NXPE2: variants seen among roughly 807,000 people sequenced by gnomAD.
The protein encoded by NXPE2 is NXPE family member 2.
Under a neutral mutation model 34.4 loss-of-function variants are expected in NXPE2, and 34 were observed. The ratio of observed to expected loss-of-function variants is 0.99; its 90% CI spans 0.75 to 1.31. The LOEUF (loss-of-function observed/expected upper bound fraction) is 1.31, where lower values mean the gene tolerates loss of function less well. NXPE2 is among the 40% of genes most tolerant of loss of function. The probability of loss-of-function intolerance (pLI) is 0.00; values close to 1 mark genes in which losing one functional copy is unlikely to be tolerated. For missense variants in NXPE2, 649 were observed against 672.5 expected (o/e 0.97, Z 0.39); for synonymous variants, 235 against 231.3 (o/e 1.02, Z -0.15).
chr11:114,786,402 C>T, the NXPE2 span, among the ~76,000 whole-genome samples: 1 of 139,524 alleles, frequency 7.2e-6, no homozygotes, highest in African/African-American at 2.6e-5. Flanking sequence ...GGATTATCCC[C>T]ACACTCCAGC....
At chr11:114,553,046 C>A in the NXPE2 span, among the ~76,000 whole-genome samples, 3 of 152,150 alleles carry the variant, frequency 2.0e-5, no homozygotes, top group Non-Finnish European at 2.9e-5. Flanking sequence ...ATTACCTCCT[C>A]CCTCACTGCA....
intron 2 of NXPE2, among the ~76,000 whole-genome samples, chr11:114,691,355 A>G (rs80318396): frequency 6.6e-6 from 1 of 151,520 alleles, no homozygotes; most frequent in East Asian, 1.9e-4. Flanking sequence ...TAAGCTCTTT[A>G]TGGGTTCATT....
the NXPE2 span, among the ~76,000 whole-genome samples, chr11:114,646,170 A>G: frequency 1.3e-5 from 2 of 152,014 alleles, no homozygotes; most frequent in South Asian, 4.1e-4. Flanking sequence ...TCATTTCTAT[A>G]TCTTAAACTA....
At chr11:114,802,650 C>A in the NXPE2 span, among the ~76,000 whole-genome samples, 7 of 152,064 alleles carry the variant, frequency 4.6e-5, no homozygotes, top group Admixed American at 4.6e-4. Flanking sequence ...TCTTTGTTCA[C>A]TGCATATCAA....
chr11:114,497,801 A>T, the NXPE2 span, among the ~76,000 whole-genome samples: 4 of 152,198 alleles, frequency 2.6e-5, no homozygotes, highest in African/African-American at 9.6e-5. Flanking sequence ...AAAATAATTT[A>T]TGTCAGTTAT....
the NXPE2 span, among the ~76,000 whole-genome samples, chr11:114,615,884 T>C: frequency 6.6e-6 from 1 of 151,652 alleles, no homozygotes; most frequent in Non-Finnish European, 1.5e-5. Context: ...TGGTCAATAA[T>C]AAGTGTTGCC....
the NXPE2 span, among the ~76,000 whole-genome samples, chr11:114,636,078 G>A: frequency 9.4e-6 from 1 of 106,444 alleles, no homozygotes; most frequent in Non-Finnish European, 1.9e-5. Context: ...GAATTCGACT[G>A]TGAATCCATC....
the NXPE2 span, among the ~76,000 whole-genome samples, chr11:114,601,713 ATATAT>A: frequency 2.8e-5 from 2 of 70,692 alleles, no homozygotes; most frequent in African/African-American, 1.2e-4. Flanking sequence ...TTTATATATT[ATATAT>A]TATAATTATA....
chr11:114,718,400 A>T, the NXPE2 span, among the ~76,000 whole-genome samples: 135 of 152,322 alleles, frequency 8.9e-4, 2 homozygotes, highest in Non-Finnish European at 9.0e-4. Flanking sequence ...AACAAAACAC[A>T]CATTGAAATC....
At chr11:114,776,356 A>G in the NXPE2 span, among the ~76,000 whole-genome samples, 2 of 152,242 alleles carry the variant, frequency 1.3e-5, no homozygotes, top group Non-Finnish European at 2.9e-5. Flanking sequence ...CGAGCTCTCC[A>G]GAGTGGGAGG....
chr11:114,491,069 G>A, the NXPE2 span, among the ~76,000 whole-genome samples: 1 of 145,362 alleles, frequency 6.9e-6, no homozygotes, highest in Non-Finnish European at 1.5e-5. Flanking sequence ...GGCTGAGACA[G>A]GAGAATGGCG....
At chr11:114,726,558 T>C in the NXPE2 span, among the ~76,000 whole-genome samples, 1 of 152,094 alleles carries the variant, frequency 6.6e-6, no homozygotes, top group Non-Finnish European at 1.5e-5. Context: ...TATTGTTGTA[T>C]GTCAAATATA....
At chr11:114,704,395 C>T (rs1951434163) in intron 4 of NXPE2, among the ~76,000 whole-genome samples, 1 of 152,162 alleles carries the variant, frequency 6.6e-6, no homozygotes, top group Non-Finnish European at 1.5e-5. Context: ...CTCAGATGAG[C>T]TGCACAGATT....
chr11:114,466,127 T>C, the NXPE2 span, among the ~76,000 whole-genome samples: 1 of 152,192 alleles, frequency 6.6e-6, no homozygotes, highest in East Asian at 1.9e-4. Flanking sequence ...AGATGTAGTC[T>C]GTATGAAGGT....
chr11:114,639,080 C>G, the NXPE2 span, among the ~76,000 whole-genome samples: 28 of 152,074 alleles, frequency 1.8e-4, no homozygotes, highest in African/African-American at 6.8e-4. Flanking sequence ...GTGGAGCCTA[C>G]AGAGGCAGGC....
chr11:114,620,067 G>T, the NXPE2 span, among the ~76,000 whole-genome samples: 36 of 151,998 alleles, frequency 2.4e-4, no homozygotes, highest in African/African-American at 8.7e-4. Context: ...CTGTTACCTG[G>T]TGTATAATAA....
the NXPE2 span, among the ~76,000 whole-genome samples, chr11:114,498,385 C>G: frequency 6.6e-6 from 1 of 152,060 alleles, no homozygotes; most frequent in Non-Finnish European, 1.5e-5. Context: ...GATCATTAGA[C>G]ATTGTATGCT....
chr11:114,784,209 A>G, the NXPE2 span, among the ~76,000 whole-genome samples: 4 of 152,194 alleles, frequency 2.6e-5, no homozygotes, highest in Non-Finnish European at 5.9e-5. Context: ...TAGCCAAAGA[A>G]AAGACCTCAC....
the NXPE2 span, among the ~76,000 whole-genome samples, chr11:114,712,321 A>G: frequency 6.6e-6 from 1 of 152,230 alleles, no homozygotes; most frequent in Admixed American, 6.5e-5. Flanking sequence ...AAACTTCTGC[A>G]TAGCCATAGA....
Sources: allele counts gnomAD v4.1 joint callset (sites outside exome capture counted in the v4.1 genomes callset), GRCh38; gene constraint gnomAD v4.1.1; transcripts MANE v1.5; gene names NCBI Gene and HGNC (gene_info 2026-07-23, HGNC 2026-07-21).